The following MUC6 variants were observed in gnomAD, a reference collection of about 807,000 sequenced individuals.
The protein encoded by MUC6 is mucin-6.
Under a neutral mutation model 201.5 loss-of-function variants are expected in MUC6, and 188 were observed. The ratio of observed to expected loss-of-function variants is 0.93; its 90% CI spans 0.83 to 1.05. The LOEUF (loss-of-function observed/expected upper bound fraction) is 1.05, where lower values mean the gene tolerates loss of function less well. MUC6 is among the 50% of genes least tolerant of loss of function. The pLI is 0.00. For synonymous variants in MUC6, 1,228 were observed against 1,389.4 expected, an observed-to-expected ratio of 0.88 and a Z score of 2.58; for missense variants, 2,706 against 3,256.9, an observed-to-expected ratio of 0.83 and a Z score of 4.12.
chr11:1,020,372 T>G, intron 28 of MUC6, 115 bp from the exon 29 acceptor site: 1 of 1,349,842 alleles, frequency 7.4e-7, no homozygotes. Context: ...GCCAATGATG[T>G]GCAGTTGAGG....
In MUC6 at chr11:1,016,585, G is replaced by C. The variant is rs1459684742; in HGVS notation, c.6216C>G (p.Ser2072Arg). 6.2e-7 allele frequency: 1 copy of C among 1,612,602 alleles called. No homozygotes were observed. The change falls in exon 31 of 33, where the codon AGC becomes AGG. Residue 2072 changes from serine (S) to arginine (R), a missense_variant. Physicochemically the swap from Ser to Arg is moderately radical, Grantham distance 110. Transcript: ENST00000421673. ...CTGTGCTGAATGAGCTGTGGGTTTG[G>C]CTGGTCCCACTGGTGGTCACTGTCA... ...PPMTVTTSGTSQTHSSFSTAT... is the reference protein window; with the variant it reads ...PPMTVTTSGTRQTHSSFSTAT...
Position 1,026,050 on chromosome 11 carries a change from C to G in MUC6, c.2638G>C (p.Asp880His). The G allele has an allele frequency of 2.5e-6, 4 of 1,593,102 alleles. No homozygotes were observed. Among genetic ancestry groups the G allele is most frequent in the Non-Finnish European group, 3.4e-6 (4 of 1,170,250 alleles). ...LYGEGHVITF[D>H]GQRFVFDGNC... ...CCGTCGAATACGAAGCGCTGGCCGT[C>G]GAAGGTGATGACGTGGCCCTCCCCG... Residue 880 changes from aspartate (D) to histidine (H), a missense_variant, in exon 21 of 33, where the codon GAC becomes CAC. Asp to His is a moderately conservative substitution (Grantham distance 81). This residue lies in a region of MUC6 where 1,850 missense variants were observed against 1,958.3 expected (regional missense o/e 0.94). Coordinates refer to ENST00000421673, the MANE Select transcript of MUC6 (RefSeq NM_005961.3).
rs1857109305 is a variant in MUC6, at chr11:1,031,724, G to A, written c.366C>T (p.Ser122=). Residue 122 remains serine, a synonymous_variant, in exon 4 of 33, where the codon AGC becomes AGT. Transcript: ENST00000421673. The part of the protein sequence containing the change: ...IISVKDIGVI[S]LPYTSNGLQI... The stretch of plus-strand genomic sequence containing the variant: ...GGAGTCCATTGCTGGTATAGGGCAG[G>A]CTGATGACCCTGTGGGGCAAGGGAA... 1 of 1,550,620 alleles carries A rather than the reference G, an allele frequency of 6.4e-7. No homozygotes were observed. Among genetic ancestry groups the A allele is most frequent in the Non-Finnish European group, 8.7e-7 (1 of 1,146,938 alleles).
Position 1,016,255 on chromosome 11 carries a change from TGA to T in MUC6, c.6544_6545del (p.Ser2182IlefsTer27). The T allele has an allele frequency of 6.2e-7, 1 of 1,612,472 alleles. No individual in the cohort carries two copies. Among genetic ancestry groups the T allele is most frequent in the Non-Finnish European group, 8.5e-7 (1 of 1,179,580 alleles). On this transcript the variant is annotated frameshift_variant, in exon 31 of 33. Transcript: ENST00000421673. LOFTEE classifies it high-confidence loss of function. ...STTLSSGSHS[S>X]LSTHPTTASV... The stretch of plus-strand genomic sequence containing the variant: ...ATGCAGTCGTGGGATGAGTGGACAA[TGA>T]GGAGTGTGACCCCGAGCTCAGGGTT...
intron 1 of MUC6, among the ~76,000 whole-genome samples, chr11:1,034,591 C>T (rs1245033616): frequency 6.6e-6 from 1 of 151,678 alleles, no homozygotes; most frequent in Non-Finnish European, 1.5e-5. Context: ...TGGGAGAGCT[C>T]TGAGCGGGAG....
In MUC6 at chr11:1,032,683, GTGTT is replaced by G. The variant is rs753059230; in HGVS notation, c.115+326_115+329del. Among the ~76,000 whole-genome samples the G allele has an allele frequency of 7.3e-5, 11 of 150,886 alleles. No homozygotes were observed. The East Asian group carries it at 7.8e-4, about 11-fold the overall frequency. ...GCATGGGTGTTGGGTGTGTGTGCATGTGTTTGTCAGGTGTGTTTGTGTGTAGGTT... is the reference window on the plus strand; with the variant it reads ...GCATGGGTGTTGGGTGTGTGTGCATGTGTCAGGTGTGTTTGTGTGTAGGTT... On this transcript the variant is annotated intron_variant, in intron 2 of 32. Coordinates refer to ENST00000421673, the MANE Select transcript of MUC6 (RefSeq NM_005961.3).
intron 2 of MUC6, 49 bp from the exon 3 acceptor site, chr11:1,032,102 C>T (rs777187776): frequency 2.3e-5 from 37 of 1,595,794 alleles, no homozygotes. Context: ...ACCATCCTGG[C>T]CAGGCAGGGC....
intron 22 of MUC6, 111 bp from the exon 23 acceptor site, chr11:1,025,478 G>T: frequency 7.8e-7 from 1 of 1,289,418 alleles, no homozygotes; most frequent in Non-Finnish European, 1.1e-6. Flanking sequence ...TTAAGGCCAT[G>T]CACAGGAGCG....
chr11:1,035,679 A>AC (rs1162767151), intron 1 of MUC6, among the ~76,000 whole-genome samples: 2 of 151,808 alleles, frequency 1.3e-5, no homozygotes, highest in African/African-American at 2.4e-5. Context: ...CTACAGTGGG[A>AC]CACCCCTGGG....
intron 2 of MUC6, among the ~76,000 whole-genome samples, chr11:1,032,777 T>C (rs1160956735): frequency 1.3e-5 from 2 of 151,448 alleles, no homozygotes; most frequent in Non-Finnish European, 2.9e-5. Context: ...TGGGTGTGTG[T>C]GTGACGTGTG....
chr11:1,024,946 G>A lies in MUC6; in HGVS notation c.3123C>T (p.Ser1041=), dbSNP rs376547152. ...WKESPLCGDV[S]FVTDPCSLNA... ...TGAGACTGCAGGGGTCTGTCACGAA[G>A]CTCACGTCCCCGCACAGCGGGCTCT... Residue 1041 remains serine, a synonymous_variant, in exon 24 of 33, where the codon AGC becomes AGT. Coordinates refer to ENST00000421673, the MANE Select transcript of MUC6 (RefSeq NM_005961.3). The A allele has an allele frequency of 1.9e-6, 3 of 1,613,048 alleles. No individual in the cohort carries two copies. The highest frequency in any genetic ancestry group is 1.3e-5 in the African/African-American group (1 of 75,074).
chr11:1,028,126 C>T, intron 14 of MUC6, 67 bp from the exon 15 acceptor site: 1 of 1,532,670 alleles, frequency 6.5e-7, no homozygotes, highest in Non-Finnish European at 8.8e-7. Context: ...CTCCCAGGGA[C>T]CCCCCACCCT....
At chr11:1,014,214 G>GACAAA (rs1856549636) in intron 31 of MUC6, among the ~76,000 whole-genome samples, 1 of 152,198 alleles carries the variant, frequency 6.6e-6, no homozygotes, top group Admixed American at 6.5e-5. Context: ...CCTCAAAGTC[G>GACAAA]CTCTGCTGGA....
rs1857147284 is a variant in MUC6 at position 1,033,083 on chromosome 11, G to A, written c.53-8C>T. ...AGGAGGTGTTAGCCAGACCTGTGTGGACGGGACCCGCAGTCGGTGTGGGGC... is the reference window on the plus strand; with the variant it reads ...AGGAGGTGTTAGCCAGACCTGTGTGAACGGGACCCGCAGTCGGTGTGGGGC... On this transcript the variant is annotated splice_polypyrimidine_tract_variant and splice_region_variant and intron_variant, in intron 1 of 32. Transcript: ENST00000421673. This position sits in a 1 kb window ranked among gnomAD's most constrained non-coding sequence, Gnocchi z 5.6. 2 of 1,613,230 alleles carry A rather than the reference G, an allele frequency of 1.2e-6. No homozygotes were observed. Among genetic ancestry groups the A allele is most frequent in the Non-Finnish European group, 1.7e-6 (2 of 1,179,388 alleles).
chr11:1,020,606 G>A (rs905957981), intron 28 of MUC6, 78 bp downstream of exon 28: 24 of 1,586,798 alleles, frequency 1.5e-5, no homozygotes, highest in African/African-American at 1.1e-4. Context: ...CTTCCCACCC[G>A]ACAGATTTGT....
chr11:1,030,508 G>T (rs1451398248), intron 7 of MUC6, 65 bp downstream of exon 7: 4 of 1,454,426 alleles, frequency 2.8e-6, no homozygotes, highest in Admixed American at 2.3e-5. Context: ...CAGTCCAGGG[G>T]CTGGGAGAGC....
chr11:1,030,121 C>G lies in MUC6; in HGVS notation c.1015+92G>C, dbSNP rs114087404. On this transcript the variant is annotated intron_variant, in intron 8 of 32. Coordinates refer to ENST00000421673, the MANE Select transcript of MUC6 (RefSeq NM_005961.3). ...CTCAGGCAGCAGAATGTTGGGGTGA[C>G]CTGGGTCGGGGTGGGTGGGGTCTGA... is the stretch of plus-strand genomic sequence containing the variant. 5,919 of 1,413,436 alleles carry G rather than the reference C, an allele frequency of 4.2e-3. 225 individuals are homozygous for G. In the African/African-American group the frequency reaches 0.074, roughly 18 times the overall value. The allele number at this position is 1,413,436 out of a possible 1,614,324, so 87.6% of individuals were successfully genotyped here.
chr11:1,029,801 C>T (rs1857058708), intron 8 of MUC6, among the ~76,000 whole-genome samples, 186 bp from the exon 9 acceptor site: 1 of 152,184 alleles, frequency 6.6e-6, no homozygotes, highest in Non-Finnish European at 1.5e-5. Flanking sequence ...GCCATGACCT[C>T]TCTCCAGCTG....
intron 26 of MUC6, among the ~76,000 whole-genome samples, 164 bp from the exon 27 acceptor site, chr11:1,021,441 G>A (rs1274810974): frequency 6.8e-6 from 1 of 147,066 alleles, no homozygotes; most frequent in Non-Finnish European, 1.5e-5. Context: ...CACAATCTTC[G>A]CTCACTGCAA....
Sources: allele counts gnomAD v4.1 joint callset (sites outside exome capture counted in the v4.1 genomes callset), GRCh38; gene constraint gnomAD v4.1.1; regional missense constraint gnomAD v4.1.1; non-coding constraint Gnocchi (gnomAD v3.1); transcripts MANE v1.5; gene names NCBI Gene and HGNC (gene_info 2026-07-23, HGNC 2026-07-21).